Variants in MAN2A1 observed in about 807,000 individuals in gnomAD.
The protein encoded by MAN2A1 is alpha-mannosidase 2.
Under a neutral mutation model 142.6 loss-of-function variants are expected in MAN2A1, and 76 were observed. The ratio of observed to expected loss-of-function variants is 0.53; its 90% CI spans 0.44 to 0.65. The LOEUF is 0.65. Among genes scored for constraint, MAN2A1 ranks in the 30% least tolerant of loss-of-function variants. MAN2A1 has a pLI of 0.00. For synonymous variants in MAN2A1, 559 were observed against 473.2 expected (o/e 1.18, Z -2.35); for missense variants, 1,311 against 1,365.1 (o/e 0.96, Z 0.62).
chr5:109,848,372 G>A (rs185857372), intron 19 of MAN2A1, among the ~76,000 whole-genome samples: 3 of 152,258 alleles, frequency 2.0e-5, no homozygotes, highest in East Asian at 1.9e-4. Context: ...AGAGTTCTCC[G>A]TAAGTTATTG....
At chr5:109,764,981 T>G (rs1346999036) in intron 5 of MAN2A1, among the ~76,000 whole-genome samples, 1 of 152,158 alleles carries the variant, frequency 6.6e-6, no homozygotes, top group Non-Finnish European at 1.5e-5. Flanking sequence ...GGAGGTACCC[T>G]GTACCCTTAT....
chr5:109,709,607 T>C (rs1389282519), intron 1 of MAN2A1, among the ~76,000 whole-genome samples: 2 of 152,202 alleles, frequency 1.3e-5, no homozygotes, highest in African/African-American at 4.8e-5. Flanking sequence ...TAGATACACA[T>C]TGATTGATTT....
intron 16 of MAN2A1, among the ~76,000 whole-genome samples, chr5:109,830,149 T>G (rs1754869102): frequency 6.6e-6 from 1 of 152,214 alleles, no homozygotes; most frequent in Non-Finnish European, 1.5e-5. Context: ...AAGTATGAGT[T>G]TATTTTGATG....
At chr5:109,778,192 G>A (rs1753347993) in intron 8 of MAN2A1, among the ~76,000 whole-genome samples, 1 of 151,944 alleles carries the variant, frequency 6.6e-6, no homozygotes, top group African/African-American at 2.4e-5. Context: ...TGAACGTGGT[G>A]TATTTTGTGT....
chr5:109,729,224 A>T, intron 3 of MAN2A1, 118 bp from the exon 4 acceptor site: 2 of 587,412 alleles, frequency 3.4e-6, no homozygotes, highest in Non-Finnish European at 5.7e-6. Flanking sequence ...TGTTAAATTT[A>T]AAAATATGTC....
chr5:109,803,251 A>G (rs1241872529), intron 12 of MAN2A1, among the ~76,000 whole-genome samples: 1 of 152,042 alleles, frequency 6.6e-6, no homozygotes, highest in Non-Finnish European at 1.5e-5. Flanking sequence ...TATATTTTTT[A>G]TTTTTATTTC....
chr5:109,837,371 C>T (rs1193922316), intron 16 of MAN2A1, among the ~76,000 whole-genome samples: 1 of 151,862 alleles, frequency 6.6e-6, no homozygotes, highest in Non-Finnish European at 1.5e-5. Flanking sequence ...CAGTTCAGTG[C>T]CCTCTGCCCT....
chr5:109,795,204 T>G (rs570728516), intron 12 of MAN2A1, among the ~76,000 whole-genome samples: 6 of 152,272 alleles, frequency 3.9e-5, no homozygotes, highest in Admixed American at 1.3e-4. Flanking sequence ...GGATTACATT[T>G]TGCCTAATTT....
intron 15 of MAN2A1, among the ~76,000 whole-genome samples, chr5:109,822,958 G>A (rs879606028): frequency 6.6e-6 from 1 of 152,198 alleles, no homozygotes; most frequent in Admixed American, 6.5e-5. Flanking sequence ...GTTACAAGGC[G>A]TGAGCCACGG....
chr5:109,692,892 C>T (rs1750712426), intron 1 of MAN2A1, among the ~76,000 whole-genome samples: 1 of 152,150 alleles, frequency 6.6e-6, no homozygotes, highest in Non-Finnish European at 1.5e-5. Flanking sequence ...ACCATGCAGC[C>T]TAGATCCCTG....
chr5:109,775,312 A>T (rs1753255790), intron 8 of MAN2A1, among the ~76,000 whole-genome samples: 1 of 151,990 alleles, frequency 6.6e-6, no homozygotes, highest in Admixed American at 6.6e-5. Context: ...AAAGTCTGTT[A>T]TTTCTCTCTG....
chr5:109,717,994 A>G (rs1045511091), intron 3 of MAN2A1, among the ~76,000 whole-genome samples: 1 of 152,240 alleles, frequency 6.6e-6, no homozygotes, highest in African/African-American at 2.4e-5. Flanking sequence ...TGTAGGATCT[A>G]GATGGCTTAT....
chr5:109,855,149 A>G lies in MAN2A1; in HGVS notation c.2986A>G (p.Lys996Glu). ...KRSAVNTEEE[K>E]KSVSYPSLLS... ...TGTTTTTTCTTGATAGGAAGAAGAA[A>G]AGAAGTCGGTCAGTTATCCTTCTCT... Residue 996 changes from lysine (K) to glutamate (E), a missense_variant, in exon 20 of 22, where the codon AAG becomes GAG. By Grantham distance (56) the Lys-to-Glu change is moderately conservative (BLOSUM62 1). This residue lies in a region of MAN2A1 where 890 missense variants were observed against 920.5 expected (regional missense o/e 0.97). Transcript: ENST00000261483. The G allele has an allele frequency of 6.5e-7, 1 of 1,541,846 alleles. No individual in the cohort carries two copies. Among genetic ancestry groups the G allele is most frequent in the Non-Finnish European group, 8.7e-7 (1 of 1,152,152 alleles).
intron 16 of MAN2A1, among the ~76,000 whole-genome samples, chr5:109,830,293 G>A (rs1252197678): frequency 1.3e-5 from 2 of 152,172 alleles, no homozygotes; most frequent in Non-Finnish European, 2.9e-5. Flanking sequence ...AGGAGTATGG[G>A]TTTGTCCTTT....
intron 12 of MAN2A1, among the ~76,000 whole-genome samples, chr5:109,803,929 G>A (rs1200228096): frequency 2.6e-5 from 4 of 152,080 alleles, no homozygotes; most frequent in Admixed American, 6.5e-5. Flanking sequence ...GTAACTGATG[G>A]TTACGTGAGA....
At chr5:109,718,765 T>G (rs764505906) in intron 3 of MAN2A1, among the ~76,000 whole-genome samples, 5 of 152,198 alleles carry the variant, frequency 3.3e-5, no homozygotes, top group African/African-American at 4.8e-5. Flanking sequence ...TGTTAGCTCA[T>G]TAAGGGCTGG....
intron 20 of MAN2A1, among the ~76,000 whole-genome samples, chr5:109,861,605 A>G (rs1755762024): frequency 6.6e-6 from 1 of 152,242 alleles, no homozygotes; most frequent in South Asian, 2.1e-4. Flanking sequence ...GAAGGTAGGC[A>G]ATATTTTCAT....
rs1561541753 is a variant in MAN2A1 at position 109,847,644 on chromosome 5, G to T, written c.2843-13G>T. The stretch of plus-strand genomic sequence containing the variant: ...TCTGGTCAGTTTTGCTTGTTTGTTT[G>T]TTTGTGTGTTAGGTCAGATTGAAGT... On this transcript the variant is annotated splice_polypyrimidine_tract_variant and intron_variant, in intron 18 of 21. Coordinates refer to ENST00000261483, the MANE Select transcript of MAN2A1 (RefSeq NM_002372.4). The T allele has an allele frequency of 6.6e-7, 1 of 1,505,070 alleles. No homozygotes were observed. The highest frequency in any genetic ancestry group is 8.9e-7 in the Non-Finnish European group (1 of 1,126,382). The allele number at this position is 1,505,070 out of a possible 1,614,324, so 93.2% of individuals were successfully genotyped here.
intron 5 of MAN2A1, among the ~76,000 whole-genome samples, chr5:109,758,241 A>G (rs538024953): frequency 7.9e-5 from 12 of 152,150 alleles, no homozygotes; most frequent in East Asian, 5.8e-4. Flanking sequence ...TGGTAATCTC[A>G]TTGTGATTTT....
Sources: allele counts gnomAD v4.1 joint callset (sites outside exome capture counted in the v4.1 genomes callset), GRCh38; gene constraint gnomAD v4.1.1; regional missense constraint gnomAD v4.1.1; transcripts MANE v1.5; gene names NCBI Gene and HGNC (gene_info 2026-07-23, HGNC 2026-07-21).